The following KIF26B variants were observed in gnomAD, a reference collection of about 807,000 sequenced individuals.
The protein encoded by KIF26B is kinesin family member 26B.
Under a neutral mutation model 151.2 loss-of-function variants are expected in KIF26B, and 63 were observed. That is an observed-to-expected ratio of 0.42 (90% CI 0.34 to 0.51). KIF26B has a LOEUF of 0.51. Among genes scored for constraint, KIF26B ranks in the 20% least tolerant of loss-of-function variants. The pLI is 0.07. For missense variants in KIF26B, 2,813 were observed against 2,913.6 expected, an observed-to-expected ratio of 0.97 and a Z score of 0.79; for synonymous variants, 1,357 against 1,262.1, an observed-to-expected ratio of 1.08 and a Z score of -1.59.
At chr1:245,408,503 C>T (rs868023539) in intron 3 of KIF26B, among the ~76,000 whole-genome samples, 5 of 152,010 alleles carry the variant, frequency 3.3e-5, no homozygotes, top group South Asian at 2.1e-4. Flanking sequence ...TATAGGCACA[C>T]GCCACCATGC....
chr1:245,423,463 A>T (rs986374558), intron 4 of KIF26B, among the ~76,000 whole-genome samples: 1 of 148,276 alleles, frequency 6.7e-6, no homozygotes, highest in Non-Finnish European at 1.5e-5. Flanking sequence ...ACACAGGAAG[A>T]CACTTTATTA....
At chr1:245,677,064 G>A (rs776976132) in intron 10 of KIF26B, among the ~76,000 whole-genome samples, 7 of 152,168 alleles carry the variant, frequency 4.6e-5, no homozygotes, top group South Asian at 2.1e-4. Flanking sequence ...AAAAGAGATC[G>A]ATGAGCAAAT....
chr1:245,288,780 C>A (rs1671208117), intron 2 of KIF26B, among the ~76,000 whole-genome samples: 1 of 152,104 alleles, frequency 6.6e-6, no homozygotes, highest in African/African-American at 2.4e-5. Context: ...CAAGGATAAC[C>A]CAAAGGTCTT....
chr1:245,652,571 A>C (rs1392028842), intron 10 of KIF26B, among the ~76,000 whole-genome samples: 5 of 152,116 alleles, frequency 3.3e-5, no homozygotes, highest in Non-Finnish European at 7.3e-5. Flanking sequence ...TTAAGAGTTG[A>C]GGCAGAAGCT....
intron 4 of KIF26B, among the ~76,000 whole-genome samples, chr1:245,507,326 C>A (rs1660745071): frequency 6.6e-6 from 1 of 152,154 alleles, no homozygotes; most frequent in Admixed American, 6.5e-5. Flanking sequence ...CCCGTAGAAA[C>A]CAGGAGGATG....
intron 2 of KIF26B, among the ~76,000 whole-genome samples, chr1:245,314,387 G>A (rs986067925): frequency 2.0e-5 from 3 of 152,180 alleles, no homozygotes; most frequent in African/African-American, 7.2e-5. Flanking sequence ...CAGAGGGAGA[G>A]GTTGCAGTGA....
At chr1:245,210,501 T>G (rs558898308) in intron 2 of KIF26B, among the ~76,000 whole-genome samples, 1 of 127,900 alleles carries the variant, frequency 7.8e-6, no homozygotes, top group Non-Finnish European at 1.6e-5. Flanking sequence ...GAACCCAATA[T>G]CCTAAGCTTT....
At chr1:245,446,464 G>A (rs1659252967) in intron 4 of KIF26B, among the ~76,000 whole-genome samples, 1 of 152,160 alleles carries the variant, frequency 6.6e-6, no homozygotes, top group Admixed American at 6.5e-5. Flanking sequence ...ATTTGTCCCA[G>A]ACATCATGAC....
At chr1:245,568,752 T>A (rs1242175218) in intron 5 of KIF26B, among the ~76,000 whole-genome samples, 1 of 152,192 alleles carries the variant, frequency 6.6e-6, no homozygotes, top group Non-Finnish European at 1.5e-5. Flanking sequence ...ATGTTCTGAC[T>A]CTTCATTTAG....
rs143337888 is a variant in KIF26B at position 245,203,897 on chromosome 1, G to T, written c.465+47214G>T. On this transcript the variant is annotated intron_variant, in intron 2 of 14. Transcript: ENST00000407071. ...AGCAGAGGGGAGCGGGTGCTGCCAC[G>T]TGAACTTTGGTGTTGAAAGAGCTTC... Among the ~76,000 whole-genome samples, 531 of 152,282 alleles carry T rather than the reference G, an allele frequency of 3.5e-3. 3 individuals are homozygous for T. The highest frequency in any genetic ancestry group is 0.012 in the African/African-American group (482 of 41,544).
At chr1:245,580,534 T>C (rs918471002) in intron 5 of KIF26B, among the ~76,000 whole-genome samples, 2 of 152,064 alleles carry the variant, frequency 1.3e-5, no homozygotes, top group Admixed American at 6.6e-5. Context: ...GGGAACCATG[T>C]TGGGGGGACA....
intron 4 of KIF26B, among the ~76,000 whole-genome samples, chr1:245,452,871 A>G (rs1211376087): frequency 6.6e-6 from 1 of 152,112 alleles, no homozygotes; most frequent in East Asian, 1.9e-4. Flanking sequence ...ATTTTCTTCC[A>G]TTCTATAGTT....
chr1:245,217,434 G>A (rs902745535), intron 2 of KIF26B, among the ~76,000 whole-genome samples: 2 of 149,154 alleles, frequency 1.3e-5, no homozygotes, highest in African/African-American at 2.5e-5. Context: ...GCACAATCTC[G>A]GCCCGCTGCA....
At chr1:245,584,572 G>A (rs1337809530) in intron 5 of KIF26B, among the ~76,000 whole-genome samples, 1 of 152,156 alleles carries the variant, frequency 6.6e-6, no homozygotes, top group African/African-American at 2.4e-5. Flanking sequence ...GCAATTACTG[G>A]TTTCCTTTAA....
At chr1:245,293,792 G>A (rs1297067832) in intron 2 of KIF26B, among the ~76,000 whole-genome samples, 2 of 152,056 alleles carry the variant, frequency 1.3e-5, no homozygotes, top group Non-Finnish European at 2.9e-5. Flanking sequence ...TGGTCAAGCT[G>A]GTCTTGAACT....
intron 4 of KIF26B, among the ~76,000 whole-genome samples, chr1:245,429,784 T>G (rs1572057408): frequency 6.6e-6 from 1 of 152,118 alleles, no homozygotes; most frequent in Non-Finnish European, 1.5e-5. Flanking sequence ...TGGCTAATTT[T>G]TGTATTTTTT....
rs56824922 is a variant in KIF26B at position 245,245,698 on chromosome 1, C to T, written c.465+89015C>T. On this transcript the variant is annotated intron_variant, in intron 2 of 14. Transcript: ENST00000407071. Reference sequence around the variant, plus strand: ...CTGTAACCCCGGCACTTTGGGAGGCCGAGGCGGGTGGATCACGAGGTCAGG... The same window carrying T: ...CTGTAACCCCGGCACTTTGGGAGGCTGAGGCGGGTGGATCACGAGGTCAGG... 8.0e-3 allele frequency among the ~76,000 whole-genome samples: 1,222 copies of T among 152,032 alleles called. 15 individuals are homozygous for T. The highest frequency in any genetic ancestry group is 0.028 in the African/African-American group (1,166 of 41,446).
intron 2 of KIF26B, among the ~76,000 whole-genome samples, chr1:245,205,744 G>A (rs555069331): frequency 1.1e-4 from 15 of 138,892 alleles, no homozygotes; most frequent in African/African-American, 3.0e-4. Context: ...ATAGGGTCTC[G>A]TTCTGTTGCC....
chr1:245,439,997 A>G (rs563438533), intron 4 of KIF26B, among the ~76,000 whole-genome samples: 20 of 152,296 alleles, frequency 1.3e-4, no homozygotes, highest in Non-Finnish European at 2.2e-4. Context: ...CGAGGCGGGC[A>G]GATCACGAGG....
Sources: allele counts gnomAD v4.1 joint callset (sites outside exome capture counted in the v4.1 genomes callset), GRCh38; gene constraint gnomAD v4.1.1; transcripts MANE v1.5; gene names NCBI Gene and HGNC (gene_info 2026-07-23, HGNC 2026-07-21).